Variants in OPCML observed in about 807,000 individuals in gnomAD.
The protein encoded by OPCML is opioid-binding protein/cell adhesion molecule.
In OPCML, 13 loss-of-function variants were observed where a neutral mutation model predicts 37.8. The observed-to-expected ratio is 0.34, with a 90% confidence interval of 0.22 to 0.55. The LOEUF (loss-of-function observed/expected upper bound fraction) is 0.55, where lower values mean the gene tolerates loss of function less well. Ranked by LOEUF, OPCML falls within the 20% of genes least tolerant of loss-of-function variation. OPCML has a pLI of 0.91. For missense variants in OPCML, 341 were observed against 435.6 expected, an observed-to-expected ratio of 0.78 and a Z score of 1.93; for synonymous variants, 176 against 168.8, an observed-to-expected ratio of 1.04 and a Z score of -0.33.
At chr11:132,429,088 A>G (rs2095987851) in intron 7 of OPCML, among the ~76,000 whole-genome samples, 1 of 151,518 alleles carries the variant, frequency 6.6e-6, no homozygotes, top group South Asian at 2.1e-4. Context: ...GAGTGGCAAC[A>G]GCATGATGTG....
intron 1 of OPCML, among the ~76,000 whole-genome samples, chr11:133,393,510 TG>T (rs1350760133): frequency 6.6e-6 from 1 of 152,202 alleles, no homozygotes; most frequent in Admixed American, 6.5e-5. Flanking sequence ...GAGGCATCCA[TG>T]TAAGCCTCAT....
At chr11:133,040,532 A>G (rs764093293) in intron 1 of OPCML, among the ~76,000 whole-genome samples, 3 of 152,114 alleles carry the variant, frequency 2.0e-5, no homozygotes, top group Non-Finnish European at 4.4e-5. Context: ...TCCTGCATGC[A>G]TGTGTCAGGA....
intron 1 of OPCML, among the ~76,000 whole-genome samples, chr11:132,965,989 G>T (rs1946205661): frequency 6.6e-6 from 1 of 151,940 alleles, no homozygotes; most frequent in African/African-American, 2.4e-5. Context: ...TATTTTCAAA[G>T]AATCAATTTG....
intron 1 of OPCML, among the ~76,000 whole-genome samples, chr11:133,012,409 A>G (rs1947236259): frequency 6.6e-6 from 1 of 152,168 alleles, no homozygotes; most frequent in African/African-American, 2.4e-5. Flanking sequence ...TTGGAAAACA[A>G]AGAGGGGGAA....
At chr11:132,946,281 C>A (rs1945743675) in intron 1 of OPCML, among the ~76,000 whole-genome samples, 1 of 152,122 alleles carries the variant, frequency 6.6e-6, no homozygotes. Context: ...TCCTGAAGGA[C>A]CTGCCTGTGG....
chr11:133,286,231 T>A (rs1032998920), intron 1 of OPCML, among the ~76,000 whole-genome samples: 1 of 151,878 alleles, frequency 6.6e-6, no homozygotes, highest in African/African-American at 2.4e-5. Flanking sequence ...TGGGCGGATC[T>A]CGAGGTCAGG....
rs1323845979 is a variant in OPCML at position 133,352,480 on chromosome 11, C to A, written c.61+179784G>T. ...AGTACCTCAAACGCACCATCAGCAA[C>A]TTTTTGTATCACTCCTCTATTTCAC... is the stretch of plus-strand genomic sequence containing the variant. On this transcript the variant is annotated intron_variant, in intron 1 of 7. Coordinates refer to ENST00000524381, the MANE Select transcript of OPCML (RefSeq NM_001012393.5). 3.3e-5 allele frequency among the ~76,000 whole-genome samples: 5 copies of A among 152,198 alleles called. No homozygotes were observed. The East Asian group carries it at 5.8e-4, about 18-fold the overall frequency.
At chr11:133,210,797 C>A (rs1246384088) in intron 1 of OPCML, among the ~76,000 whole-genome samples, 2 of 152,060 alleles carry the variant, frequency 1.3e-5, no homozygotes, top group East Asian at 3.9e-4. Flanking sequence ...GGTATGATCT[C>A]CGGACATTTT....
chr11:133,279,417 A>C (rs1285777486), intron 1 of OPCML, among the ~76,000 whole-genome samples: 1 of 152,224 alleles, frequency 6.6e-6, no homozygotes, highest in Non-Finnish European at 1.5e-5. Flanking sequence ...CTTAGCACAA[A>C]TGGACCTACA....
At chr11:133,148,558 AGAG>A (rs1410274678) in intron 1 of OPCML, among the ~76,000 whole-genome samples, 2 of 152,172 alleles carry the variant, frequency 1.3e-5, no homozygotes, top group African/African-American at 4.8e-5. Context: ...TAGACAGAAG[AGAG>A]GAGTGGTGAA....
At chr11:132,618,568 C>G (rs1422957413) in intron 3 of OPCML, among the ~76,000 whole-genome samples, 2 of 152,126 alleles carry the variant, frequency 1.3e-5, no homozygotes, top group Admixed American at 6.5e-5. Flanking sequence ...CAATCTAGTT[C>G]AGAATATCAT....
At chr11:132,938,095 T>C (rs1248244398) in intron 2 of OPCML, among the ~76,000 whole-genome samples, 1 of 151,974 alleles carries the variant, frequency 6.6e-6, no homozygotes, top group Non-Finnish European at 1.5e-5. Flanking sequence ...ATTGTTTAGA[T>C]ATAAGGGTTT....
chr11:133,497,438 C>G (rs187714302), intron 1 of OPCML, among the ~76,000 whole-genome samples: 1 of 151,944 alleles, frequency 6.6e-6, no homozygotes, highest in African/African-American at 2.4e-5. Flanking sequence ...TTTGGATTGC[C>G]TTTCATTGAG....
intron 3 of OPCML, among the ~76,000 whole-genome samples, chr11:132,547,022 A>C (rs1398603917): frequency 6.6e-6 from 1 of 152,174 alleles, no homozygotes; most frequent in Admixed American, 6.5e-5. Flanking sequence ...GTGGACTGGC[A>C]CTTCTCATAA....
chr11:133,218,264 T>C (rs1230729843), intron 1 of OPCML, among the ~76,000 whole-genome samples: 1 of 152,182 alleles, frequency 6.6e-6, no homozygotes, highest in African/African-American at 2.4e-5. Flanking sequence ...GCACTTTTAA[T>C]GTTGACTGGG....
intron 1 of OPCML, among the ~76,000 whole-genome samples, chr11:133,290,491 G>A (rs145495115): frequency 4.6e-5 from 7 of 152,340 alleles, no homozygotes; most frequent in Non-Finnish European, 1.0e-4. Flanking sequence ...AGGATGTTGG[G>A]GGATGGGATG....
intron 1 of OPCML, among the ~76,000 whole-genome samples, chr11:133,375,895 G>A (rs1327207846): frequency 2.0e-5 from 3 of 152,080 alleles, no homozygotes; most frequent in Non-Finnish European, 2.9e-5. Flanking sequence ...AGTGCCTTAG[G>A]AATCTCAAGA....
At chr11:132,433,087 G>A (rs949246784) in intron 7 of OPCML, among the ~76,000 whole-genome samples, 3 of 152,134 alleles carry the variant, frequency 2.0e-5, no homozygotes, top group African/African-American at 7.2e-5. Context: ...AGTGAGATAG[G>A]GTGGGTTATA....
chr11:132,945,551 C>A (rs1220120791), intron 1 of OPCML, among the ~76,000 whole-genome samples: 1 of 152,196 alleles, frequency 6.6e-6, no homozygotes, highest in Non-Finnish European at 1.5e-5. Context: ...TTACTGCACA[C>A]CACCGTAGTC....
Sources: gnomAD v4.1 joint callset for allele counts (sites outside exome capture counted in the v4.1 genomes callset) on GRCh38, gnomAD v4.1.1 for gene constraint, MANE v1.5 for transcripts, NCBI Gene and HGNC (gene_info 2026-07-23, HGNC 2026-07-21) for gene names.